Variants in ST18 observed in about 807,000 individuals in gnomAD.
The protein encoded by ST18 is ST18 C2H2C-type zinc finger transcription factor.
Under a neutral mutation model 110.0 loss-of-function variants are expected in ST18, and 50 were observed. That is an observed-to-expected ratio of 0.45 (90% CI 0.36 to 0.58). ST18 has a LOEUF of 0.58. ST18 is among the 20% of genes least tolerant of loss of function. ST18 has a pLI of 0.00. For missense variants in ST18, 1,306 were observed against 1,280.1 expected (o/e 1.02, Z -0.31); for synonymous variants, 461 against 452.4 (o/e 1.02, Z -0.24).
chr8:52,334,290 C>A (rs941100658), intron 2 of ST18, among the ~76,000 whole-genome samples: 1 of 152,140 alleles, frequency 6.6e-6, no homozygotes, highest in Non-Finnish European at 1.5e-5. Context: ...TTGGCAAATT[C>A]TGTTTCCTAA....
At chr8:52,129,451 C>CAAAAA (rs34059224) in intron 22 of ST18, among the ~76,000 whole-genome samples, 61 of 72,098 alleles carry the variant, frequency 8.5e-4, no homozygotes, top group African/African-American at 1.4e-3. Context: ...GAGACTCCAT[C>CAAAAA]AAAAAAAAAA....
At chr8:52,150,276 GTGTGTA>G (rs1200912300) in intron 15 of ST18, among the ~76,000 whole-genome samples, 2 of 151,818 alleles carry the variant, frequency 1.3e-5, no homozygotes, top group East Asian at 3.9e-4. Context: ...GTGTGTGTGT[GTGTGTA>G]TATATATGTG....
intron 8 of ST18, among the ~76,000 whole-genome samples, chr8:52,202,415 G>T (rs1165393647): frequency 2.7e-5 from 4 of 150,050 alleles, no homozygotes; most frequent in Non-Finnish European, 4.5e-5. Flanking sequence ...ATATGATAAA[G>T]TTTTTTTTTT....
rs1554586232 is a variant in ST18 at position 52,130,167 on chromosome 8, A to AAAGAAAGAAAGAAAGAAAG, written c.2666+1790_2666+1791insCTTTCTTTCTTTCTTTCTT. 2.1e-3 allele frequency among the ~76,000 whole-genome samples: 189 copies of AAAGAAAGAAAGAAAGAAAG among 90,024 alleles called. 1 individual carries two copies. Among genetic ancestry groups the AAAGAAAGAAAGAAAGAAAG allele is most frequent in the Admixed American group, 6.5e-3 (63 of 9,708 alleles). 59.1% of individuals were successfully genotyped at this position (90,024 alleles called of 152,430 possible). Reference sequence around the variant, plus strand: ...AGAAAGAAAGAAAGAAAGAAAGAAAAAGAAAAGAAAATAGTACCTTGGCAT... The same window carrying AAAGAAAGAAAGAAAGAAAG: ...AGAAAGAAAGAAAGAAAGAAAGAAAAAAGAAAGAAAGAAAGAAAGAGAAAAGAAAATAGTACCTTGGCAT... On this transcript the variant is annotated intron_variant, in intron 22 of 25. Transcript: ENST00000689386.
intron 2 of ST18, among the ~76,000 whole-genome samples, chr8:52,369,745 T>C (rs1421515435): frequency 6.6e-6 from 1 of 152,188 alleles, no homozygotes; most frequent in East Asian, 1.9e-4. Flanking sequence ...ATTCCAGTCA[T>C]ACAACATGAA....
Position 52,203,077 on chromosome 8 carries a change from A to G in ST18, c.86+9002T>C, listed in dbSNP as rs553260942. Among the ~76,000 whole-genome samples, 8 of 152,334 alleles carry G rather than the reference A, an allele frequency of 5.3e-5. No individual in the cohort carries two copies. The East Asian group carries it at 1.5e-3, about 29-fold the overall frequency. ...AAGCAACATCATGTACGAGGCCTAC[A>G]CTGGTAAATAAAATAGATTCCTTGT... On this transcript the variant is annotated intron_variant, in intron 8 of 25. Transcript: ENST00000689386.
chr8:52,175,312 T>A (rs918095658), intron 9 of ST18, among the ~76,000 whole-genome samples: 2 of 152,072 alleles, frequency 1.3e-5, no homozygotes, highest in African/African-American at 4.8e-5. Flanking sequence ...TGGGCTTAGT[T>A]TTTTACCTAG....
chr8:52,129,753 A>G (rs1450638873), intron 22 of ST18, among the ~76,000 whole-genome samples: 2 of 152,120 alleles, frequency 1.3e-5, no homozygotes, highest in African/African-American at 4.8e-5. Context: ...CTAGAAAATA[A>G]TAACTTGGAG....
At chr8:52,404,801 C>T (rs1484699241) in intron 2 of ST18, 1 of 152,200 alleles carries the variant, frequency 6.6e-6, no homozygotes, top group East Asian at 1.9e-4. Context: ...GTTTAATGCT[C>T]ATACTGTTTT....
chr8:52,207,354 T>A (rs1454826501), intron 8 of ST18, among the ~76,000 whole-genome samples: 1 of 152,066 alleles, frequency 6.6e-6, no homozygotes, highest in Admixed American at 6.5e-5. Context: ...TAGCTGAGTG[T>A]GGTGGCGCGT....
intron 2 of ST18, among the ~76,000 whole-genome samples, chr8:52,338,004 T>G (rs1812938265): frequency 6.6e-6 from 1 of 152,236 alleles, no homozygotes; most frequent in African/African-American, 2.4e-5. Flanking sequence ...CATCTTTATG[T>G]AGGGAATATG....
At position 52,112,161 on chromosome 8, in the gene ST18, T is replaced by C; in HGVS notation, c.*1037A>G. ...TTTCATGTGTTACTATATTTTCCAT[T>C]CCTTTCCAGTCAACCCAGTAAGATA... On this transcript the variant is annotated 3_prime_UTR_variant, in exon 26 of 26. Transcript: ENST00000689386. 6.5e-6 allele frequency: 1 copy of C among 152,728 alleles called. No individual in the cohort carries two copies. The allele number at this position is 152,728 out of a possible 1,614,324, so 9.5% of individuals were successfully genotyped here.
At chr8:52,227,147 G>A (rs77037145) in intron 3 of ST18, among the ~76,000 whole-genome samples, 5,264 of 152,054 alleles carry the variant, frequency 0.035, 289 homozygotes, top group African/African-American at 0.12. Flanking sequence ...AATGATCCTT[G>A]GATTTTATTC....
rs532752663 is a variant in ST18 at position 52,255,406 on chromosome 8, T to G, written c.-464-25329A>C. On this transcript the variant is annotated intron_variant, in intron 2 of 25. Transcript: ENST00000689386. Reference sequence around the variant, plus strand: ...CCTCCCAAATTTGCCACAAGCCCTTTTACGTCTTAAAGGAATGACTGTCAA... The same window carrying G: ...CCTCCCAAATTTGCCACAAGCCCTTGTACGTCTTAAAGGAATGACTGTCAA... Among the ~76,000 whole-genome samples the G allele has an allele frequency of 3.3e-4, 50 of 152,282 alleles. 1 individual carries two copies. Among genetic ancestry groups the G allele is most frequent in the Admixed American group, 5.2e-4 (8 of 15,302 alleles).
rs372215585 is a variant in ST18, at chr8:52,161,976, A to G, written c.1401-408T>C. Among the ~76,000 whole-genome samples the G allele has an allele frequency of 2.3e-4, 35 of 152,330 alleles. 1 individual carries two copies. The highest frequency in any genetic ancestry group is 1.1e-3 in the Admixed American group (17 of 15,308). On this transcript the variant is annotated intron_variant, in intron 13 of 25. Coordinates refer to ENST00000689386, the MANE Select transcript of ST18 (RefSeq NM_001352837.2). Reference sequence around the variant, plus strand: ...TATAATCCCAGCCGTTTGGGAGGCCAAGGTGGGTGGATCATCTGAGCTCAG... The same window carrying G: ...TATAATCCCAGCCGTTTGGGAGGCCGAGGTGGGTGGATCATCTGAGCTCAG...
At chr8:52,320,537 T>C (rs1194103598) in intron 2 of ST18, among the ~76,000 whole-genome samples, 1 of 152,204 alleles carries the variant, frequency 6.6e-6, no homozygotes, top group Non-Finnish European at 1.5e-5. Context: ...TACAACCTAA[T>C]TTTGAAAAGG....
intron 2 of ST18, among the ~76,000 whole-genome samples, chr8:52,325,443 G>T (rs554665603): frequency 6.6e-6 from 1 of 152,016 alleles, no homozygotes; most frequent in Admixed American, 6.6e-5. Context: ...TTCTACTGGA[G>T]GTAATCTAAG....
At chr8:52,254,837 G>A (rs972267877) in intron 2 of ST18, among the ~76,000 whole-genome samples, 2 of 152,168 alleles carry the variant, frequency 1.3e-5, no homozygotes, top group African/African-American at 4.8e-5. Context: ...ATTATTTTCA[G>A]TGACTAAGAA....
chr8:52,214,055 C>T lies in ST18; in HGVS notation c.55+148G>A, dbSNP rs1296565049. 10 of 784,836 alleles carry T rather than the reference C, an allele frequency of 1.3e-5. No homozygotes were observed. The East Asian group carries it at 2.6e-4, about 20-fold the overall frequency. The allele number at this position is 784,836 out of a possible 1,614,324, so 48.6% of individuals were successfully genotyped here. A position where few individuals can be genotyped will look rare whatever the true frequency, so the allele number is the denominator to read the frequency against. On this transcript the variant is annotated intron_variant, in intron 7 of 25. Transcript: ENST00000689386. The stretch of plus-strand genomic sequence containing the variant: ...GTTCATAATATTTTGCCTCTCCGTG[C>T]CAAGAGCCAGTGTCCTGGCTTGATT...
Sources: allele counts gnomAD v4.1 joint callset (sites outside exome capture counted in the v4.1 genomes callset), GRCh38; gene constraint gnomAD v4.1.1; transcripts MANE v1.5; gene names NCBI Gene and HGNC (gene_info 2026-07-23, HGNC 2026-07-21).